Variants in PPARGC1A observed in about 807,000 individuals in gnomAD.
PPARGC1A encodes peroxisome proliferator-activated receptor gamma coactivator 1-alpha.
Under a neutral mutation model 88.7 loss-of-function variants are expected in PPARGC1A, and 25 were observed. The observed-to-expected ratio is 0.28, with a 90% CI of 0.21 to 0.39. PPARGC1A has a LOEUF of 0.39. PPARGC1A is among the 10% of genes least tolerant of loss of function. The probability of loss-of-function intolerance (pLI) is 1.00; values close to 1 mark genes in which losing one functional copy is unlikely to be tolerated. For synonymous variants in PPARGC1A, 363 were observed against 355.6 expected, an observed-to-expected ratio of 1.02 and a Z score of -0.24; for missense variants, 880 against 968.7, an observed-to-expected ratio of 0.91 and a Z score of 1.22.
chr4:24,452,055 A>G, the PPARGC1A span, among the ~76,000 whole-genome samples: 1 of 152,034 alleles, frequency 6.6e-6, no homozygotes, highest in Admixed American at 6.6e-5. Flanking sequence ...TAATTAGTTG[A>G]AGGCATGAAT....
the PPARGC1A span, among the ~76,000 whole-genome samples, chr4:24,123,910 C>T: frequency 1.6e-5 from 2 of 123,442 alleles, no homozygotes; most frequent in African/African-American, 6.3e-5. Flanking sequence ...TCTAAGTTGG[C>T]AAAAAAAAAA....
At chr4:23,839,856 G>A (rs1303417272) in intron 2 of PPARGC1A, among the ~76,000 whole-genome samples, 1 of 151,992 alleles carries the variant, frequency 6.6e-6, no homozygotes, top group African/African-American at 2.4e-5. Flanking sequence ...TAGATCTCGT[G>A]CGACCCATTC....
chr4:24,117,046 T>TAA, the PPARGC1A span, among the ~76,000 whole-genome samples: 15,479 of 146,028 alleles, frequency 0.11, 968 homozygotes, highest in African/African-American at 0.18. Context: ...GTGAAGTTGG[T>TAA]AAAAAAAAAA....
At chr4:24,214,537 G>A in the PPARGC1A span, among the ~76,000 whole-genome samples, 4 of 152,192 alleles carry the variant, frequency 2.6e-5, no homozygotes, top group Admixed American at 6.5e-5. Context: ...GGACTGCCAC[G>A]TGAGAGACAA....
At chr4:24,378,100 G>A in the PPARGC1A span, among the ~76,000 whole-genome samples, 2 of 152,306 alleles carry the variant, frequency 1.3e-5, no homozygotes, top group Non-Finnish European at 2.9e-5. Context: ...ACTTTGGGAG[G>A]CTGAGGTGGG....
At chr4:23,997,225 AT>A in the PPARGC1A span, among the ~76,000 whole-genome samples, 1 of 152,082 alleles carries the variant, frequency 6.6e-6, no homozygotes, top group Admixed American at 6.6e-5. Context: ...GTCTTTTTTT[AT>A]TCTAAATAGT....
the PPARGC1A span, among the ~76,000 whole-genome samples, chr4:24,260,206 T>C: frequency 3.3e-5 from 5 of 152,258 alleles, no homozygotes; most frequent in South Asian, 6.2e-4. Flanking sequence ...AAAGTAGGAA[T>C]GCCGGAGGCA....
chr4:24,288,978 T>G, the PPARGC1A span, among the ~76,000 whole-genome samples: 2 of 152,024 alleles, frequency 1.3e-5, no homozygotes, highest in Non-Finnish European at 2.9e-5. Flanking sequence ...TCCCAGCACT[T>G]TGGGAGGCCA....
the PPARGC1A span, among the ~76,000 whole-genome samples, chr4:24,072,539 G>A: frequency 6.6e-6 from 1 of 151,994 alleles, no homozygotes; most frequent in Non-Finnish European, 1.5e-5. Context: ...CAGGCAGTTG[G>A]AAAGTTTTAA....
chr4:24,119,610 A>G, the PPARGC1A span, among the ~76,000 whole-genome samples: 1 of 152,184 alleles, frequency 6.6e-6, no homozygotes, highest in Non-Finnish European at 1.5e-5. Flanking sequence ...AAACACACTT[A>G]GCACAAAAAT....
At chr4:23,824,228 C>T (rs1475044972) in intron 7 of PPARGC1A, 52 bp downstream of exon 7, 2 of 1,453,356 alleles carry the variant, frequency 1.4e-6, no homozygotes, top group Non-Finnish European at 9.7e-7. Context: ...ATTACACACA[C>T]ACACATATAC....
chr4:24,349,918 T>C, the PPARGC1A span, among the ~76,000 whole-genome samples: 2 of 152,192 alleles, frequency 1.3e-5, no homozygotes, highest in Non-Finnish European at 2.9e-5. Context: ...TCCCGATGGA[T>C]CCCTGTGGTG....
chr4:23,842,789 G>A (rs59744936), intron 2 of PPARGC1A, among the ~76,000 whole-genome samples: 12,578 of 152,098 alleles, frequency 0.083, 596 homozygotes, highest in East Asian at 0.19. Context: ...AAGCAACCCA[G>A]GCGATTCTGA....
the PPARGC1A span, among the ~76,000 whole-genome samples, chr4:24,431,515 CT>C: frequency 6.6e-6 from 1 of 152,244 alleles, no homozygotes; most frequent in Non-Finnish European, 1.5e-5. Context: ...GATAAAATCT[CT>C]TAGAGGGTCA....
chr4:23,852,817 G>A (rs1577515532), intron 2 of PPARGC1A, among the ~76,000 whole-genome samples: 1 of 151,994 alleles, frequency 6.6e-6, no homozygotes, highest in African/African-American at 2.4e-5. Flanking sequence ...AGCCTTTAGG[G>A]AAATAGATAT....
chr4:23,834,498 A>C (rs1560406379), intron 2 of PPARGC1A, among the ~76,000 whole-genome samples: 3 of 152,130 alleles, frequency 2.0e-5, no homozygotes, highest in African/African-American at 4.8e-5. Flanking sequence ...CAAAAAAAAA[A>C]AACAACCAAA....
chr4:24,069,343 A>G, the PPARGC1A span, among the ~76,000 whole-genome samples: 2 of 152,202 alleles, frequency 1.3e-5, no homozygotes, highest in Non-Finnish European at 2.9e-5. Flanking sequence ...GTTTGCACTC[A>G]AGAAATAATA....
At chr4:24,441,087 C>T in the PPARGC1A span, among the ~76,000 whole-genome samples, 1 of 152,090 alleles carries the variant, frequency 6.6e-6, no homozygotes, top group African/African-American at 2.4e-5. Context: ...CATAAAAACT[C>T]TTGTTTCTTA....
At chr4:24,232,095 T>C in the PPARGC1A span, among the ~76,000 whole-genome samples, 10 of 152,132 alleles carry the variant, frequency 6.6e-5, no homozygotes, top group East Asian at 1.4e-3. Flanking sequence ...TGTCTTTTGG[T>C]GTGACAATGA....
Sources: allele counts gnomAD v4.1 joint callset (sites outside exome capture counted in the v4.1 genomes callset), GRCh38; gene constraint gnomAD v4.1.1; transcripts MANE v1.5; gene names NCBI Gene and HGNC (gene_info 2026-07-23, HGNC 2026-07-21).